The following SYTL3 variants were observed in gnomAD, a reference collection of about 807,000 sequenced individuals.
The protein encoded by SYTL3 is synaptotagmin like 3.
A neutral mutation model predicts 82.1 loss-of-function variants in SYTL3; 88 were observed. The ratio of observed to expected loss-of-function variants is 1.07; its 90% confidence interval spans 0.90 to 1.28. The LOEUF (loss-of-function observed/expected upper bound fraction) is 1.28. SYTL3 is among the 50% of genes most tolerant of loss of function. The probability of loss-of-function intolerance (pLI) is 0.00; values close to 1 mark genes in which losing one functional copy is unlikely to be tolerated. For synonymous variants in SYTL3, 311 were observed against 289.4 expected (o/e 1.07, Z -0.76); for missense variants, 831 against 757.6 (o/e 1.10, Z -1.14).
At chr6:158,707,574 G>A (rs7754579) in intron 7 of SYTL3, among the ~76,000 whole-genome samples, 33,574 of 152,078 alleles carry the variant, frequency 0.22, 3,904 homozygotes, top group Non-Finnish European at 0.25. Context: ...GTTTAATTGC[G>A]CTTAAGTGAA....
intron 9 of SYTL3, among the ~76,000 whole-genome samples, chr6:158,714,126 G>A (rs768722748): frequency 4.9e-4 from 75 of 152,342 alleles, no homozygotes; most frequent in Middle Eastern, 3.4e-3. Flanking sequence ...GCCAAGGTGG[G>A]TGGATCACTT....
intron 6 of SYTL3, among the ~76,000 whole-genome samples, chr6:158,702,168 G>A (rs1781381142): frequency 6.6e-6 from 1 of 150,978 alleles, no homozygotes. Flanking sequence ...TTTTTTTGTA[G>A]AAAAAAAATT....
At chr6:158,731,532 A>G (rs984449687) in intron 11 of SYTL3, among the ~76,000 whole-genome samples, 10 of 151,994 alleles carry the variant, frequency 6.6e-5, no homozygotes, top group African/African-American at 2.4e-4. Flanking sequence ...ATCATGGGCC[A>G]TTGTTCCAAA....
chr6:158,709,308 G>C (rs529399157), intron 8 of SYTL3, among the ~76,000 whole-genome samples: 1 of 152,132 alleles, frequency 6.6e-6, no homozygotes, highest in South Asian at 2.1e-4. Flanking sequence ...AAAGTGCTCC[G>C]AACACTTGCG....
At chr6:158,661,101 T>A (rs1303657807) in intron 2 of SYTL3, among the ~76,000 whole-genome samples, 168 bp from the exon 3 acceptor site, 1 of 152,176 alleles carries the variant, frequency 6.6e-6, no homozygotes, top group East Asian at 1.9e-4. Flanking sequence ...CAGATGGCTC[T>A]GGACCCAGTA....
intron 13 of SYTL3, among the ~76,000 whole-genome samples, chr6:158,754,869 G>T (rs1413455732): frequency 1.3e-5 from 2 of 152,248 alleles, no homozygotes; most frequent in African/African-American, 4.8e-5. Flanking sequence ...CTGCCTGGGG[G>T]CCCGAGCCCG....
chr6:158,715,388 C>A (rs1783245671), intron 9 of SYTL3, among the ~76,000 whole-genome samples: 1 of 152,080 alleles, frequency 6.6e-6, no homozygotes, highest in African/African-American at 2.4e-5. Context: ...CCCAGCCCTG[C>A]ACACAGGTTC....
At position 158,764,565 on chromosome 6, in the gene SYTL3, C is replaced by A. The variant is rs1159326056; in HGVS notation, c.1794C>A (p.Ser598Arg). Reference protein sequence around the residue: ...SKLQWQKVLSSPNLWTDMTLV... With the variant: ...SKLQWQKVLSRPNLWTDMTLV... ...TCCAGTGGCAGAAAGTCCTTTCCAG[C>A]CCCAATCTATGGACAGACATGACTC... is the stretch of plus-strand genomic sequence containing the variant. Residue 598 changes from serine to arginine, a missense_variant, in exon 18 of 18, where the codon AGC becomes AGA. Transcript: ENST00000611299. 2 of 1,613,978 alleles carry A rather than the reference C, an allele frequency of 1.2e-6. No homozygotes were observed. Among genetic ancestry groups the A allele is most frequent in the South Asian group, 2.2e-5 (2 of 91,080 alleles).
intron 16 of SYTL3, 97 bp from the exon 17 acceptor site, chr6:158,763,207 A>T: frequency 8.3e-7 from 1 of 1,199,494 alleles, no homozygotes. Flanking sequence ...TGGACTTGGC[A>T]CTTTTCTTAG....
intron 3 of SYTL3, among the ~76,000 whole-genome samples, chr6:158,662,375 G>A (rs566523309): frequency 6.6e-6 from 1 of 152,324 alleles, no homozygotes; most frequent in Non-Finnish European, 1.5e-5. Context: ...CTGAGCTTGT[G>A]GTGGTGCTGC....
At chr6:158,676,784 G>A (rs568319168) in intron 5 of SYTL3, among the ~76,000 whole-genome samples, 10,148 of 151,886 alleles carry the variant, frequency 0.067, 1,144 homozygotes, top group African/African-American at 0.23. Context: ...ACATTTATGC[G>A]GCCAAAAAAC....
chr6:158,746,199 A>G (rs965946792), intron 12 of SYTL3, among the ~76,000 whole-genome samples: 6 of 151,752 alleles, frequency 4.0e-5, no homozygotes, highest in East Asian at 1.9e-4. Context: ...CAGAGACCCT[A>G]CCTCCTAATA....
At chr6:158,680,751 C>CA (rs892828468) in intron 5 of SYTL3, among the ~76,000 whole-genome samples, 1 of 151,740 alleles carries the variant, frequency 6.6e-6, no homozygotes, top group Non-Finnish European at 1.5e-5. Context: ...GACCCTGTCT[C>CA]AAAAAAAATT....
chr6:158,659,113 A>G (rs1157120620), intron 2 of SYTL3, among the ~76,000 whole-genome samples: 1 of 152,222 alleles, frequency 6.6e-6, no homozygotes, highest in Non-Finnish European at 1.5e-5. Context: ...AAGAGTAACA[A>G]TGATGGGATG....
intron 6 of SYTL3, among the ~76,000 whole-genome samples, chr6:158,685,073 C>G (rs904337916): frequency 6.6e-6 from 1 of 152,106 alleles, no homozygotes; most frequent in Non-Finnish European, 1.5e-5. Context: ...GAGCCACAGA[C>G]GGTTGAAATA....
rs1217967930 is a variant in SYTL3 at position 158,686,117 on chromosome 6, TTCATG to T, written c.394+3131_394+3135del. 8.5e-5 allele frequency among the ~76,000 whole-genome samples: 13 copies of T among 152,060 alleles called. No individual in the cohort carries two copies. In the East Asian group the frequency reaches 2.5e-3, roughly 30 times the overall value. ...TACCATCTTGTCATCTTTTCAGCACTTCATGTCTCCTGAGTGAGTGGGAGAAGTAT... is the reference window on the plus strand; with the variant it reads ...TACCATCTTGTCATCTTTTCAGCACTTCTCCTGAGTGAGTGGGAGAAGTAT... On this transcript the variant is annotated intron_variant, in intron 6 of 17. Transcript: ENST00000611299.
At position 158,722,423 on chromosome 6, in the gene SYTL3, C is replaced by T. The variant is rs186536720; in HGVS notation, c.721-3080C>T. On this transcript the variant is annotated intron_variant, in intron 10 of 17. Transcript: ENST00000611299. ...GTGATCCTCCCACCTTAAAATCACG[C>T]GGTGACTCGGGGATGTTAACTGAGA... Among the ~76,000 whole-genome samples the T allele has an allele frequency of 8.6e-4, 131 of 152,172 alleles. 1 individual carries two copies. The highest frequency in any genetic ancestry group is 2.5e-3 in the African/African-American group (103 of 41,504).
intron 13 of SYTL3, among the ~76,000 whole-genome samples, chr6:158,756,409 A>T (rs1789066567): frequency 6.6e-6 from 1 of 152,234 alleles, no homozygotes; most frequent in African/African-American, 2.4e-5. Context: ...TTTGCTTTAA[A>T]AAATAAATAA....
chr6:158,665,924 A>G (rs1789994590), intron 5 of SYTL3, among the ~76,000 whole-genome samples: 1 of 152,132 alleles, frequency 6.6e-6, no homozygotes, highest in African/African-American at 2.4e-5. Flanking sequence ...AGCCTGGGCA[A>G]CGTAGTGAGA....
Sources: allele counts gnomAD v4.1 joint callset (sites outside exome capture counted in the v4.1 genomes callset), GRCh38; gene constraint gnomAD v4.1.1; transcripts MANE v1.5; gene names NCBI Gene and HGNC (gene_info 2026-07-23, HGNC 2026-07-21).